Variants in SAFB observed in about 807,000 individuals in gnomAD.
SAFB encodes the protein scaffold attachment factor B1.
In SAFB, 15 loss-of-function variants were observed where a neutral mutation model predicts 101.6. The observed-to-expected ratio is 0.15, with a 90% confidence interval of 0.10 to 0.23. The LOEUF is 0.23. Ranked by LOEUF, SAFB falls within the 10% of genes least tolerant of loss-of-function variation. The pLI is 1.00. For missense variants in SAFB, 930 were observed against 1,104.1 expected (o/e 0.84, Z 2.23); for synonymous variants, 449 against 407.5 (o/e 1.10, Z -1.23).
In SAFB at chr19:5,661,520, G is replaced by T; in HGVS notation, c.1865G>T (p.Arg622Met). Residue 622 changes from arginine (R) to methionine (M), a missense_variant and splice_region_variant, in exon 15 of 21, where the codon AGG becomes ATG. This residue lies in a region of SAFB where 159 missense variants were observed against 234.1 expected (regional missense o/e 0.68). Transcript: ENST00000588852. The part of the protein sequence containing the change: ...RKSRDSESHS[R>M]VRERSEREQR... Reference sequence around the variant, plus strand: ...TCTGCAGCTCTACTGTTGTGCAGCAGGGTGCGTGAACGCAGTGAACGCGAA... The same window carrying T: ...TCTGCAGCTCTACTGTTGTGCAGCATGGTGCGTGAACGCAGTGAACGCGAA... 1 of 1,612,470 alleles carries T rather than the reference G, an allele frequency of 6.2e-7. No homozygotes were observed. The highest frequency in any genetic ancestry group is 1.1e-5 in the South Asian group (1 of 90,992).
At chr19:5,650,711 C>T (rs527668159) in intron 8 of SAFB, among the ~76,000 whole-genome samples, 1 of 152,172 alleles carries the variant, frequency 6.6e-6, no homozygotes, top group African/African-American at 2.4e-5. Flanking sequence ...ACACCCGGCC[C>T]GCAATTGCTA....
Position 5,623,161 on chromosome 19 carries a change from G to A in SAFB, c.-45G>A. On this transcript the variant is annotated 5_prime_UTR_variant, in exon 1 of 21. Transcript: ENST00000588852. Reference sequence around the variant, plus strand: ...TTTGTGCTAGGAGCCTGATAAAACCGGCCCGGTTCTGTGGAAAGTGGGCGG... The same window carrying A: ...TTTGTGCTAGGAGCCTGATAAAACCAGCCCGGTTCTGTGGAAAGTGGGCGG... The A allele has an allele frequency of 6.5e-7, 1 of 1,539,266 alleles. No homozygotes were observed. Among genetic ancestry groups the A allele is most frequent in the Non-Finnish European group, 8.8e-7 (1 of 1,139,030 alleles).
At chr19:5,661,041 C>G (rs1209264654) in intron 14 of SAFB, among the ~76,000 whole-genome samples, 1 of 149,310 alleles carries the variant, frequency 6.7e-6, no homozygotes, top group African/African-American at 2.5e-5. Context: ...CCTCAGCCTC[C>G]GGAGTAGCTG....
chr19:5,666,851 C>A, intron 17 of SAFB, 195 bp from the exon 18 acceptor site: 1 of 672,308 alleles, frequency 1.5e-6, no homozygotes. Context: ...TTGTACCAGG[C>A]CATGAGCCTA....
At chr19:5,634,943 G>A (rs1020647290) in intron 2 of SAFB, among the ~76,000 whole-genome samples, 4 of 152,222 alleles carry the variant, frequency 2.6e-5, no homozygotes, top group Non-Finnish European at 5.9e-5. Context: ...TTTGAGACCA[G>A]CCTGGCCAAC....
chr19:5,632,319 G>A (rs564795976), intron 2 of SAFB, among the ~76,000 whole-genome samples: 1 of 152,270 alleles, frequency 6.6e-6, no homozygotes, highest in Admixed American at 6.5e-5. Context: ...ATTGCCATCT[G>A]ACTACATTTG....
At chr19:5,645,674 T>C (rs1046301921) in intron 5 of SAFB, among the ~76,000 whole-genome samples, 3 of 152,234 alleles carry the variant, frequency 2.0e-5, no homozygotes, top group African/African-American at 7.2e-5. Context: ...TTAATTTCAT[T>C]GCTTGTGGCA....
rs537456696 is a variant in SAFB at position 5,657,812 on chromosome 19, A to G, written c.1862+465A>G. Among the ~76,000 whole-genome samples the G allele has an allele frequency of 6.6e-5, 10 of 152,262 alleles. No individual in the cohort carries two copies. The East Asian group carries it at 1.9e-3, about 29-fold the overall frequency. ...AGTGCCAGGATTACAGACGTGAGCC[A>G]CTGCACCCGGCCTACTTACAGCTCT... is the stretch of plus-strand genomic sequence containing the variant. On this transcript the variant is annotated intron_variant, in intron 14 of 20. Coordinates refer to ENST00000588852, the MANE Select transcript of SAFB (RefSeq NM_001201338.2).
chr19:5,665,560 C>T (rs187444459), intron 17 of SAFB: 2 of 152,004 alleles, frequency 1.3e-5, no homozygotes, highest in African/African-American at 2.4e-5. Context: ...GTTTTGAACT[C>T]CTGAGCTCAA....
chr19:5,626,260 A>AC, intron 1 of SAFB, 145 bp from the exon 2 acceptor site: 2 of 565,008 alleles, frequency 3.5e-6, no homozygotes, highest in Admixed American at 3.2e-5. Context: ...ATAACAGATG[A>AC]GTGGATGGGC....
chr19:5,624,361 C>T (rs1260941133), intron 1 of SAFB, among the ~76,000 whole-genome samples: 2 of 152,006 alleles, frequency 1.3e-5, no homozygotes, highest in African/African-American at 4.8e-5. Context: ...CATCACGATT[C>T]GCTTTTCCTC....
At chr19:5,648,065 AC>A (rs1280095520) in intron 6 of SAFB, 22 bp downstream of exon 6, 2 of 1,601,410 alleles carry the variant, frequency 1.2e-6, no homozygotes, top group Admixed American at 1.7e-5. Flanking sequence ...TGAAAAACTT[AC>A]CAGCGGGGGT....
rs187251993 is a variant in SAFB, at chr19:5,642,810, C to T, written c.546+864C>T. On this transcript the variant is annotated intron_variant, in intron 4 of 20. Transcript: ENST00000588852. ...CCAAGTGAGTAGCTGGGATTATAGG[C>T]GCCCACCACCAAGCCCGACTAATTT... Among the ~76,000 whole-genome samples, 188 of 151,682 alleles carry T rather than the reference C, an allele frequency of 1.2e-3. 1 individual carries two copies. Among genetic ancestry groups the T allele is most frequent in the African/African-American group, 4.3e-3 (179 of 41,356 alleles).
chr19:5,654,226 T>G, intron 12 of SAFB, 26 bp downstream of exon 12: 1 of 1,613,342 alleles, frequency 6.2e-7, no homozygotes, highest in Non-Finnish European at 8.5e-7. Context: ...GCCCAGGAGA[T>G]TCTGTCTTGT....
chr19:5,661,549 C>T lies in SAFB; in HGVS notation c.1894C>T (p.Arg632Cys), dbSNP rs1303130049. Reference sequence around the variant, plus strand: ...GCGTGAACGCAGTGAACGCGAACAACGCATGCAGGCGCAGTGGGAGCGCGA... The same window carrying T: ...GCGTGAACGCAGTGAACGCGAACAATGCATGCAGGCGCAGTGGGAGCGCGA... ...RVRERSEREQ[R>C]MQAQWEREER... Residue 632 changes from arginine to cysteine, a missense_variant, in exon 15 of 21, where the codon CGC becomes TGC. Transcript: ENST00000588852. 6.2e-6 allele frequency: 10 copies of T among 1,613,020 alleles called. No individual in the cohort carries two copies. The highest frequency in any genetic ancestry group is 5.0e-5 in the Admixed American group (3 of 60,016).
intron 2 of SAFB, among the ~76,000 whole-genome samples, chr19:5,634,609 ATAT>A (rs1200917771): frequency 1.3e-5 from 2 of 152,120 alleles, no homozygotes; most frequent in East Asian, 3.8e-4. Context: ...CTGGGAGAAA[ATAT>A]TATAGCACAG....
intron 2 of SAFB, among the ~76,000 whole-genome samples, chr19:5,628,332 T>G (rs2053414321): frequency 6.6e-6 from 1 of 152,226 alleles, no homozygotes; most frequent in African/African-American, 2.4e-5. Flanking sequence ...TCTGAAATGC[T>G]TGGGACCAGA....
At chr19:5,635,567 C>G (rs185201472) in intron 2 of SAFB, among the ~76,000 whole-genome samples, 2 of 152,070 alleles carry the variant, frequency 1.3e-5, no homozygotes, top group African/African-American at 4.8e-5. Flanking sequence ...AAGTTTAATA[C>G]GTATATTTGC....
intron 4 of SAFB, among the ~76,000 whole-genome samples, chr19:5,642,629 A>G (rs1217176370): frequency 7.6e-6 from 1 of 132,446 alleles, no homozygotes; most frequent in Non-Finnish European, 1.6e-5. Flanking sequence ...CCTACCAGGC[A>G]TTGGCATTAT....
Sources: gnomAD v4.1 joint callset for allele counts (sites outside exome capture counted in the v4.1 genomes callset) on GRCh38, gnomAD v4.1.1 for gene constraint, gnomAD v4.1.1 regional missense constraint, MANE v1.5 for transcripts, NCBI Gene and HGNC (gene_info 2026-07-23, HGNC 2026-07-21) for gene names.